The following VAV2 variants were observed in gnomAD, a reference collection of about 807,000 sequenced individuals.
VAV2 encodes guanine nucleotide exchange factor VAV2.
Under a neutral mutation model 132.5 loss-of-function variants are expected in VAV2, and 67 were observed. That is an observed-to-expected ratio of 0.51 (90% CI 0.42 to 0.62). The LOEUF is 0.62. Among genes scored for constraint, VAV2 ranks in the 20% least tolerant of loss-of-function variants. VAV2 has a pLI of 0.00. For missense variants in VAV2, 938 were observed against 1,153.6 expected (o/e 0.81, Z 2.71); for synonymous variants, 492 against 443.5 (o/e 1.11, Z -1.37).
intron 1 of VAV2, among the ~76,000 whole-genome samples, chr9:133,989,566 TC>T (rs1842954367): frequency 7.4e-6 from 1 of 135,086 alleles, no homozygotes. Context: ...GTGCCGGTAG[TC>T]CCAGCTACTC....
intron 1 of VAV2, among the ~76,000 whole-genome samples, chr9:133,987,956 A>G (rs1433335442): frequency 6.6e-6 from 1 of 152,248 alleles, no homozygotes; most frequent in East Asian, 1.9e-4. Context: ...GGCTCTGCAC[A>G]CAGCAGGTGC....
rs547751517 is a variant in VAV2, at chr9:133,813,436, G to A, written c.450-1220C>T. Among the ~76,000 whole-genome samples, 8 of 152,358 alleles carry A rather than the reference G, an allele frequency of 5.3e-5. No homozygotes were observed. The East Asian group carries it at 7.7e-4, about 15-fold the overall frequency. On this transcript the variant is annotated intron_variant, in intron 4 of 29. Transcript: ENST00000371850. ...ACCTCGCCTTTGAATATCAGCTGTC[G>A]CCTTTTAAGGCTTGGGTTGGGGAGG...
At chr9:133,921,995 T>C (rs1322425050) in intron 2 of VAV2, among the ~76,000 whole-genome samples, 1 of 152,246 alleles carries the variant, frequency 6.6e-6, no homozygotes, top group Non-Finnish European at 1.5e-5. Context: ...GGCCAGCTAA[T>C]GGCGCACGCA....
At chr9:133,899,257 G>C (rs895031662) in intron 2 of VAV2, among the ~76,000 whole-genome samples, 6 of 151,664 alleles carry the variant, frequency 4.0e-5, no homozygotes, top group African/African-American at 1.5e-4. Context: ...GAGACCCATG[G>C]GGAGCTGGGA....
chr9:133,954,632 G>A (rs1841685679), intron 1 of VAV2, among the ~76,000 whole-genome samples: 2 of 152,258 alleles, frequency 1.3e-5, no homozygotes, highest in African/African-American at 4.8e-5. Context: ...GGGCGGGCGG[G>A]GGATGCTGCT....
intron 1 of VAV2, among the ~76,000 whole-genome samples, chr9:133,957,351 C>T (rs1588169734): frequency 6.6e-6 from 1 of 152,286 alleles, no homozygotes; most frequent in East Asian, 1.9e-4. Context: ...CCGACAAGAA[C>T]TCCCATCCTA....
rs182659061 is a variant in VAV2, at chr9:133,867,898, G to A, written c.322-6466C>T. Among the ~76,000 whole-genome samples, 36 of 152,280 alleles carry A rather than the reference G, an allele frequency of 2.4e-4. No homozygotes were observed. In the East Asian group the frequency reaches 2.7e-3, roughly 11 times the overall value. On this transcript the variant is annotated intron_variant, in intron 2 of 29. Transcript: ENST00000371850. ...TGGGCTCACAGCAGCCTCCAGCATCGTTTCCTGAACCAATGGAAATGAGCC... is the reference window on the plus strand; with the variant it reads ...TGGGCTCACAGCAGCCTCCAGCATCATTTCCTGAACCAATGGAAATGAGCC...
intron 3 of VAV2, among the ~76,000 whole-genome samples, chr9:133,859,003 C>T (rs1379828205): frequency 6.6e-6 from 1 of 152,212 alleles, no homozygotes; most frequent in Non-Finnish European, 1.5e-5. Context: ...GGCCAACCGA[C>T]TGCTCTGCCC....
At chr9:133,790,981 A>G (rs1014387852) in intron 13 of VAV2, among the ~76,000 whole-genome samples, 2 of 152,000 alleles carry the variant, frequency 1.3e-5, no homozygotes, top group Admixed American at 1.3e-4. Flanking sequence ...GCATTACTTG[A>G]GGGGGTGGGG....
rs776146802 is a variant in VAV2 at position 133,797,748 on chromosome 9, G to A, written c.898C>T (p.Leu300Phe). 1.2e-6 allele frequency: 2 copies of A among 1,614,146 alleles called. No individual in the cohort carries two copies. The highest frequency in any genetic ancestry group is 1.7e-6 in the Non-Finnish European group (2 of 1,179,994). The change falls in exon 10 of 30, where the codon CTC becomes TTC. Residue 300 changes from leucine to phenylalanine, a missense_variant. Transcript: ENST00000371850. ...CTGAAGTCCTCCCGGCTGGCCAGGA[G>A]CTGGTTCAGTGTGTTCTGGGCGTGC... ...MEHAQNTLNQ[L>F]LASREDFRQK... is the part of the protein sequence containing the mutation.
At position 133,839,473 on chromosome 9, in the gene VAV2, C is replaced by T. The variant is rs933448019; in HGVS notation, c.381-5133G>A. On this transcript the variant is annotated intron_variant, in intron 3 of 29. Coordinates refer to ENST00000371850, the MANE Select transcript of VAV2 (RefSeq NM_001134398.2). ...GAAGTTTTTTTTTTTTTTTTTGAGA[C>T]GGAGTCTCACACTGTCACCCGGGCT... 5.7e-3 allele frequency among the ~76,000 whole-genome samples: 816 copies of T among 144,236 alleles called. 7 individuals are homozygous for T. The highest frequency in any genetic ancestry group is 0.02 in the African/African-American group (781 of 38,562). The allele number at this position is 144,236 out of a possible 152,430, so 94.6% of individuals were successfully genotyped here.
intron 1 of VAV2, among the ~76,000 whole-genome samples, chr9:133,967,034 CAAA>C (rs71380266): frequency 3.8e-5 from 4 of 106,162 alleles, no homozygotes; most frequent in East Asian, 2.7e-4. Flanking sequence ...GACTTTGTCT[CAAA>C]AAAAAAAAAA....
rs1247623009 is a variant in VAV2, at chr9:133,824,024, G to A, written c.449+10248C>T. Among the ~76,000 whole-genome samples, 1 of 152,138 alleles carries A rather than the reference G, an allele frequency of 6.6e-6. No homozygotes were observed. Among genetic ancestry groups the A allele is most frequent in the East Asian group, 1.9e-4 (1 of 5,186 alleles). The stretch of plus-strand genomic sequence containing the variant: ...GGTTTCGAGGTCACTGAAGCCCCCA[G>A]CCACGTGGCAGCAGGGCCTCTGGAG... On this transcript the variant is annotated intron_variant, in intron 4 of 29. Transcript: ENST00000371850. This position sits in a 1 kb window ranked among gnomAD's most constrained non-coding sequence, Gnocchi z 5.2.
intron 1 of VAV2, among the ~76,000 whole-genome samples, chr9:133,946,213 C>T (rs1043200399): frequency 2.0e-5 from 3 of 152,244 alleles, no homozygotes; most frequent in Non-Finnish European, 2.9e-5. Context: ...CGCAGCAGAG[C>T]TCCTCAAGGC....
chr9:133,981,685 G>A (rs540572559), intron 1 of VAV2, among the ~76,000 whole-genome samples: 16 of 152,326 alleles, frequency 1.1e-4, no homozygotes, highest in Non-Finnish European at 2.2e-4. Context: ...TGAGCTCGAG[G>A]GACACGGCCA....
chr9:133,825,117 C>A (rs1031404398), intron 4 of VAV2, among the ~76,000 whole-genome samples: 1 of 151,210 alleles, frequency 6.6e-6, no homozygotes, highest in African/African-American at 2.4e-5. Flanking sequence ...GCAAATGAGG[C>A]ACCACGGCCA....
At chr9:133,838,642 TATAGATGG>T (rs1836577107) in intron 3 of VAV2, among the ~76,000 whole-genome samples, 1 of 126,764 alleles carries the variant, frequency 7.9e-6, no homozygotes, top group Non-Finnish European at 1.7e-5. Flanking sequence ...TAGGTGAATG[TATAGATGG>T]ATGGATGGGT....
In VAV2 at chr9:133,918,120, A is replaced by G. The variant is rs1840165835; in HGVS notation, c.321+20983T>C. On this transcript the variant is annotated intron_variant, in intron 2 of 29. Transcript: ENST00000371850. This position sits in a 1 kb window ranked among gnomAD's most constrained non-coding sequence, Gnocchi z 4.7. ...GATTTAATTTGCTTTTCCTAATGAT[A>G]TGCCCACAGTATTAGGACAGCTCTC... Among the ~76,000 whole-genome samples, 1 of 152,186 alleles carries G rather than the reference A, an allele frequency of 6.6e-6. No homozygotes were observed. The highest frequency in any genetic ancestry group is 1.5e-5 in the Non-Finnish European group (1 of 68,026).
intron 1 of VAV2, among the ~76,000 whole-genome samples, chr9:133,972,248 AG>A (rs1178449331): frequency 2.0e-5 from 3 of 152,204 alleles, no homozygotes; most frequent in African/African-American, 7.2e-5. Context: ...CTCCCAGATA[AG>A]GCACCTGTCC....
Sources: allele counts gnomAD v4.1 joint callset (sites outside exome capture counted in the v4.1 genomes callset), GRCh38; gene constraint gnomAD v4.1.1; non-coding constraint Gnocchi (gnomAD v3.1); transcripts MANE v1.5; gene names NCBI Gene and HGNC (gene_info 2026-07-23, HGNC 2026-07-21).